The following COL25A1 variants were observed in gnomAD, a reference collection of about 807,000 sequenced individuals.
The protein encoded by COL25A1 is collagen type XXV alpha 1 chain.
COL25A1 carries 103 observed loss-of-function variants against 128.4 expected under a neutral mutation model. The observed-to-expected ratio is 0.80, with a 90% CI of 0.68 to 0.94. The LOEUF is 0.94. Ranked by LOEUF, COL25A1 falls within the 40% of genes least tolerant of loss-of-function variation. COL25A1 has a pLI of 0.00. For synonymous variants in COL25A1, 279 were observed against 277.2 expected (o/e 1.01, Z -0.06); for missense variants, 745 against 840.0 (o/e 0.89, Z 1.40).
chr4:109,050,466 G>A (rs1364845), intron 3 of COL25A1, among the ~76,000 whole-genome samples: 15,260 of 151,972 alleles, frequency 0.1, 1,149 homozygotes, highest in African/African-American at 0.21. Context: ...AATAAAGAAA[G>A]GGTTTGCTAA....
intron 16 of COL25A1, 26 bp downstream of exon 16, chr4:108,896,641 C>A (rs374601665): frequency 1.4e-4 from 230 of 1,608,144 alleles, no homozygotes; most frequent in South Asian, 3.6e-4. Flanking sequence ...CACATATGTA[C>A]CCTTTCATGT....
chr4:108,877,496 A>G (rs1179251508), intron 19 of COL25A1, among the ~76,000 whole-genome samples: 1 of 152,220 alleles, frequency 6.6e-6, no homozygotes, highest in Non-Finnish European at 1.5e-5. Context: ...TAGCTATAGG[A>G]AAGTGGGTCC....
chr4:109,072,343 A>T (rs966264624), intron 3 of COL25A1, among the ~76,000 whole-genome samples: 1 of 152,146 alleles, frequency 6.6e-6, no homozygotes, highest in Non-Finnish European at 1.5e-5. Context: ...ATTAGGTTGA[A>T]CATTTTTTAT....
chr4:109,066,495 A>C (rs1236039883), intron 3 of COL25A1, among the ~76,000 whole-genome samples: 1 of 152,208 alleles, frequency 6.6e-6, no homozygotes, highest in Non-Finnish European at 1.5e-5. Flanking sequence ...GTTGTATTGC[A>C]GTTATTTCTT....
chr4:109,239,498 A>G (rs1177611549), intron 3 of COL25A1, among the ~76,000 whole-genome samples: 1 of 149,912 alleles, frequency 6.7e-6, no homozygotes, highest in East Asian at 2.0e-4. Context: ...TTGTAACACA[A>G]TGGTATTTGT....
chr4:109,229,841 T>TA (rs1779046349), intron 3 of COL25A1, among the ~76,000 whole-genome samples: 1 of 152,134 alleles, frequency 6.6e-6, no homozygotes, highest in African/African-American at 2.4e-5. Flanking sequence ...TATAAAGAAA[T>TA]ACTTCAGATA....
At position 109,218,357 on chromosome 4, in the gene COL25A1, G is replaced by GTTTTTTTTTTGTTTGTTTTTTTTTTTT. The variant is rs1553961829; in HGVS notation, c.367+82225_367+82226insAAAAAAAAAAAACAAACAAAAAAAAAA. 8.7e-4 allele frequency among the ~76,000 whole-genome samples: 64 copies of GTTTTTTTTTTGTTTGTTTTTTTTTTTT among 73,550 alleles called. 2 individuals are homozygous for GTTTTTTTTTTGTTTGTTTTTTTTTTTT. Among genetic ancestry groups the GTTTTTTTTTTGTTTGTTTTTTTTTTTT allele is most frequent in the African/African-American group, 1.2e-3 (22 of 17,856 alleles). The allele number at this position is 73,550 out of a possible 152,430, so 48.3% of individuals were successfully genotyped here. ...CAGAATCAATTGCTGGTTTTTTGGG[G>GTTTTTTTTTTGTTTGTTTTTTTTTTTT]TTTTTTTTTTTTTTTTTTTTTTTTT... On this transcript the variant is annotated intron_variant, in intron 3 of 37. Transcript: ENST00000399132.
chr4:109,162,490 T>C (rs1181813591), intron 3 of COL25A1, among the ~76,000 whole-genome samples: 3 of 152,220 alleles, frequency 2.0e-5, no homozygotes, highest in Non-Finnish European at 4.4e-5. Context: ...TTTTGTTTCC[T>C]ACATAGCAGT....
At chr4:108,967,998 C>T (rs1751510656) in intron 8 of COL25A1, among the ~76,000 whole-genome samples, 1 of 152,274 alleles carries the variant, frequency 6.6e-6, no homozygotes, top group South Asian at 2.1e-4. Flanking sequence ...CATCCCAACC[C>T]TAAGCCTAAA....
chr4:109,026,455 C>T (rs1031287674), intron 5 of COL25A1, among the ~76,000 whole-genome samples: 10 of 152,016 alleles, frequency 6.6e-5, no homozygotes, highest in Admixed American at 2.0e-4. Context: ...GAATAAGCTC[C>T]GTAGATGGCA....
At chr4:109,216,497 T>G (rs1778009026) in intron 3 of COL25A1, among the ~76,000 whole-genome samples, 1 of 152,158 alleles carries the variant, frequency 6.6e-6, no homozygotes, top group Admixed American at 6.6e-5. Flanking sequence ...TATGATGTCA[T>G]CCTGGATTAG....
intron 13 of COL25A1, among the ~76,000 whole-genome samples, chr4:108,907,217 G>A (rs975947296): frequency 6.6e-6 from 1 of 152,134 alleles, no homozygotes; most frequent in Admixed American, 6.6e-5. Flanking sequence ...AGGGTGACAG[G>A]AATGAGAACT....
intron 3 of COL25A1, among the ~76,000 whole-genome samples, chr4:109,250,411 G>A (rs886642670): frequency 1.4e-5 from 1 of 73,868 alleles, no homozygotes; most frequent in Non-Finnish European, 2.2e-5. Flanking sequence ...GGGAGAGAGA[G>A]AGAAGGTAAA....
At chr4:109,047,454 C>A (rs902032585) in intron 5 of COL25A1, among the ~76,000 whole-genome samples, 13 of 151,964 alleles carry the variant, frequency 8.6e-5, no homozygotes, top group African/African-American at 3.1e-4. Flanking sequence ...AAGAATGACA[C>A]AATGGACTTT....
intron 3 of COL25A1, among the ~76,000 whole-genome samples, chr4:109,162,550 C>T (rs1772676733): frequency 6.6e-6 from 1 of 152,140 alleles, no homozygotes; most frequent in East Asian, 1.9e-4. Context: ...TTGTTGGTCT[C>T]CCTAACTACA....
At chr4:108,822,598 T>C (rs187359774) in intron 35 of COL25A1, among the ~76,000 whole-genome samples, 2 of 152,116 alleles carry the variant, frequency 1.3e-5, no homozygotes, top group Non-Finnish European at 2.9e-5. Flanking sequence ...TTTTATTTTT[T>C]AGTAGAGATG....
At chr4:109,189,607 C>A (rs893971365) in intron 3 of COL25A1, among the ~76,000 whole-genome samples, 1 of 141,036 alleles carries the variant, frequency 7.1e-6, no homozygotes, top group African/African-American at 2.7e-5. Context: ...GTTTCAAGAA[C>A]GTTTGTTGAA....
At chr4:109,208,387 C>T (rs776034061) in intron 3 of COL25A1, among the ~76,000 whole-genome samples, 4 of 151,788 alleles carry the variant, frequency 2.6e-5, no homozygotes, top group Non-Finnish European at 4.4e-5. Flanking sequence ...CGCTGTTCCA[C>T]GCCCTAAGGA....
intron 5 of COL25A1, among the ~76,000 whole-genome samples, chr4:109,017,132 C>T (rs142733147): frequency 2.6e-5 from 4 of 152,312 alleles, no homozygotes; most frequent in South Asian, 2.1e-4. Context: ...CATGGGTGCC[C>T]ACAGCAGAAG....
Sources: gnomAD v4.1 joint callset for allele counts (sites outside exome capture counted in the v4.1 genomes callset) on GRCh38, gnomAD v4.1.1 for gene constraint, MANE v1.5 for transcripts, NCBI Gene and HGNC (gene_info 2026-07-23, HGNC 2026-07-21) for gene names.